CRTC3: variants seen among roughly 807,000 people sequenced by gnomAD.
CRTC3 encodes the protein CREB regulated transcription coactivator 3, also known as CREB-regulated transcription coactivator 3.
A neutral mutation model predicts 74.5 loss-of-function variants in CRTC3; 26 were observed. The observed-to-expected ratio is 0.35, with a 90% CI of 0.26 to 0.48. The LOEUF is 0.48. Ranked by LOEUF, CRTC3 falls within the 20% of genes least tolerant of loss-of-function variation. The pLI, the probability that CRTC3 is intolerant of heterozygous loss-of-function variation, is 0.99. For missense variants in CRTC3, 760 were observed against 787.3 expected (o/e 0.97, Z 0.41); for synonymous variants, 377 against 325.8 (o/e 1.16, Z -1.69).
At chr15:90,538,183 A>G (rs913459880) in intron 1 of CRTC3, among the ~76,000 whole-genome samples, 78 of 152,384 alleles carry the variant, frequency 5.1e-4, no homozygotes, top group African/African-American at 1.8e-3. Flanking sequence ...ATCCTTCAAA[A>G]AAGAAATCAA....
At chr15:90,602,782 T>C (rs937528382) in intron 4 of CRTC3, among the ~76,000 whole-genome samples, 8 of 151,954 alleles carry the variant, frequency 5.3e-5, no homozygotes, top group Admixed American at 4.6e-4. Context: ...GAGACCATCC[T>C]GGCCAACATC....
At chr15:90,546,893 G>A (rs1451885682) in intron 2 of CRTC3, among the ~76,000 whole-genome samples, 1 of 152,150 alleles carries the variant, frequency 6.6e-6, no homozygotes, top group East Asian at 1.9e-4. Flanking sequence ...AGAGTGCTGG[G>A]ATTACAGGCG....
chr15:90,626,980 G>C (rs141003905), intron 10 of CRTC3, among the ~76,000 whole-genome samples: 68 of 152,278 alleles, frequency 4.5e-4, no homozygotes, highest in African/African-American at 1.4e-3. Context: ...GCCCCTGGCC[G>C]TAACAGTCCT....
intron 2 of CRTC3, among the ~76,000 whole-genome samples, chr15:90,565,735 T>C (rs542467650): frequency 6.6e-6 from 1 of 152,352 alleles, no homozygotes; most frequent in Admixed American, 6.5e-5. Context: ...ATTACTGTTG[T>C]AATTGTTTTG....
At chr15:90,622,182 G>C (rs1361078693) in intron 9 of CRTC3, among the ~76,000 whole-genome samples, 1 of 152,186 alleles carries the variant, frequency 6.6e-6, no homozygotes, top group Admixed American at 6.5e-5. Context: ...ACGCAGAGAA[G>C]ATGGGAGTCG....
intron 7 of CRTC3, among the ~76,000 whole-genome samples, chr15:90,617,628 C>T (rs1968527156): frequency 6.6e-6 from 1 of 152,084 alleles, no homozygotes; most frequent in African/African-American, 2.4e-5. Flanking sequence ...CTCTCAGGCT[C>T]AAGGAGACCT....
chr15:90,539,001 A>G (rs939196884), intron 1 of CRTC3, among the ~76,000 whole-genome samples: 1 of 152,144 alleles, frequency 6.6e-6, no homozygotes, highest in Non-Finnish European at 1.5e-5. Flanking sequence ...TTAGGGATGA[A>G]GTGGGCCAAG....
chr15:90,592,011 G>C (rs1967811923), intron 2 of CRTC3, among the ~76,000 whole-genome samples: 1 of 152,156 alleles, frequency 6.6e-6, no homozygotes, highest in Non-Finnish European at 1.5e-5. Flanking sequence ...TGAGTTTATA[G>C]ATTTGGATTA....
chr15:90,605,364 C>G (rs1968188868), intron 5 of CRTC3, among the ~76,000 whole-genome samples: 1 of 152,160 alleles, frequency 6.6e-6, no homozygotes, highest in Non-Finnish European at 1.5e-5. Flanking sequence ...CAGCATTCTG[C>G]CAGTCTCTCC....
chr15:90,625,228 G>A (rs922125869), intron 9 of CRTC3, among the ~76,000 whole-genome samples: 1 of 152,192 alleles, frequency 6.6e-6, no homozygotes, highest in Admixed American at 6.5e-5. Context: ...GGACACACTC[G>A]CCCTGCTTGT....
rs569650499 is a variant in CRTC3, at chr15:90,635,410, C to T, written c.1267-3036C>T. Among the ~76,000 whole-genome samples, 210 of 151,992 alleles carry T rather than the reference C, an allele frequency of 1.4e-3. 2 individuals are homozygous for T. The highest frequency in any genetic ancestry group is 8.8e-4 in the Non-Finnish European group (60 of 67,952). ...CTGTAATCTCAGCACTTTGGGAGGCCGAGGCGGGTGGATCACCTGAGGTCA... is the reference window on the plus strand; with the variant it reads ...CTGTAATCTCAGCACTTTGGGAGGCTGAGGCGGGTGGATCACCTGAGGTCA... On this transcript the variant is annotated intron_variant, in intron 11 of 14. Transcript: ENST00000268184.
chr15:90,603,541 A>G (rs1470503050), intron 4 of CRTC3, among the ~76,000 whole-genome samples: 2 of 152,196 alleles, frequency 1.3e-5, no homozygotes, highest in East Asian at 3.8e-4. Flanking sequence ...TGCACAGTGT[A>G]TTTGATTTAA....
At chr15:90,604,626 C>G (rs895030844) in intron 5 of CRTC3, among the ~76,000 whole-genome samples, 179 bp downstream of exon 5, 3 of 152,118 alleles carry the variant, frequency 2.0e-5, no homozygotes, top group Admixed American at 6.5e-5. Flanking sequence ...CACACGAGGT[C>G]TGGGATGAGA....
chr15:90,627,292 C>G (rs745503379), intron 10 of CRTC3, among the ~76,000 whole-genome samples: 1 of 152,158 alleles, frequency 6.6e-6, no homozygotes, highest in Admixed American at 6.5e-5. Flanking sequence ...TCGACTGAGT[C>G]TCAGTTTTGA....
intron 9 of CRTC3, among the ~76,000 whole-genome samples, chr15:90,621,885 A>G (rs1013027962): frequency 2.6e-5 from 4 of 152,236 alleles, no homozygotes; most frequent in Non-Finnish European, 4.4e-5. Flanking sequence ...GGGTTAAACA[A>G]TGAACAAAAC....
At chr15:90,625,402 C>T (rs900828178) in intron 9 of CRTC3, among the ~76,000 whole-genome samples, 4 of 152,352 alleles carry the variant, frequency 2.6e-5, no homozygotes, top group African/African-American at 9.6e-5. Context: ...GCTAGTTACT[C>T]AGAGATACTT....
At chr15:90,555,555 T>C (rs1966880994) in intron 2 of CRTC3, among the ~76,000 whole-genome samples, 1 of 152,198 alleles carries the variant, frequency 6.6e-6, no homozygotes, top group South Asian at 2.1e-4. Context: ...TCTTGCTCTG[T>C]CACCCAGGCT....
At chr15:90,626,036 A>G in intron 10 of CRTC3, 43 bp downstream of exon 10, 1 of 1,477,680 alleles carries the variant, frequency 6.8e-7, no homozygotes, top group Non-Finnish European at 9.5e-7. Context: ...GCTTAATCAT[A>G]GGTGGTCCCC....
At chr15:90,599,311 C>T (rs1567178801) in intron 3 of CRTC3, 2 of 152,226 alleles carry the variant, frequency 1.3e-5, no homozygotes, top group African/African-American at 4.8e-5. Flanking sequence ...GTTAAAAGCC[C>T]TGTGACCTGT....
Sources: gnomAD v4.1 joint callset for allele counts (sites outside exome capture counted in the v4.1 genomes callset) on GRCh38, gnomAD v4.1.1 for gene constraint, MANE v1.5 for transcripts, NCBI Gene and HGNC (gene_info 2026-07-23, HGNC 2026-07-21) for gene names.